ADH1A: variants seen among roughly 807,000 people sequenced by gnomAD.
ADH1A encodes the protein alcohol dehydrogenase 1A (class I), alpha polypeptide.
Under a neutral mutation model 35.2 loss-of-function variants are expected in ADH1A, and 29 were observed. That is an observed-to-expected ratio of 0.82 (90% CI 0.61 to 1.12). The LOEUF (loss-of-function observed/expected upper bound fraction) is 1.12, where lower values mean the gene tolerates loss of function less well. ADH1A is among the 50% of genes most tolerant of loss of function. The pLI, the probability that ADH1A is intolerant of heterozygous loss-of-function variation, is 0.00. For missense variants in ADH1A, 469 were observed against 464.7 expected (o/e 1.01, Z -0.09); for synonymous variants, 147 against 164.8 (o/e 0.89, Z 0.83).
intron 6 of ADH1A, 34 bp downstream of exon 6, chr4:99,282,312 A>G: frequency 6.2e-7 from 1 of 1,614,238 alleles, no homozygotes; most frequent in Non-Finnish European, 8.5e-7. Context: ...CAAGTTGTAG[A>G]GGCAGAAATC....
chr4:99,290,633 C>A (rs866926394), intron 1 of ADH1A, among the ~76,000 whole-genome samples: 3 of 152,106 alleles, frequency 2.0e-5, no homozygotes, highest in African/African-American at 4.8e-5. Context: ...AATAAATTAT[C>A]GCTTTACCGC....
intron 1 of ADH1A, 42 bp from the exon 2 acceptor site, chr4:99,287,707 G>A (rs768248783): frequency 1.6e-5 from 25 of 1,601,760 alleles, no homozygotes; most frequent in Non-Finnish European, 1.8e-5. Flanking sequence ...GTTCTCCCAC[G>A]CTTGCAGTCA....
chr4:99,279,019 G>A (rs1185586369), intron 8 of ADH1A, among the ~76,000 whole-genome samples: 1 of 152,010 alleles, frequency 6.6e-6, no homozygotes, highest in East Asian at 1.9e-4. Flanking sequence ...TGTTGAGGAT[G>A]TCCTGAAAAT....
At chr4:99,286,610 TG>T in intron 3 of ADH1A, 1 of 528,098 alleles carries the variant, frequency 1.9e-6, no homozygotes, top group Non-Finnish European at 3.2e-6. Context: ...GGCTCCAACC[TG>T]GTGACTGGCA....
rs746089984 is a variant in ADH1A at position 99,284,776 on chromosome 4, G to C, written c.287C>G (p.Pro96Arg). 5 of 1,614,138 alleles carry C rather than the reference G, an allele frequency of 3.1e-6. No individual in the cohort carries two copies. In the Admixed American group the frequency reaches 8.3e-5, roughly 27 times the overall value. The change falls in exon 4 of 9, where the codon CCT (proline) becomes CGT (arginine). Residue 96 changes from proline to arginine, a missense_variant. Coordinates refer to ENST00000209668, the MANE Select transcript of ADH1A (RefSeq NM_000667.4). ...ACAAATTCTGCATTTTCCACACTGA[G>C]GAATAGCGAGTGGGATGACTTTATC... ...PGDKVIPLAIPQCGKCRICKN... is the reference protein window; with the variant it reads ...PGDKVIPLAIRQCGKCRICKN...
At chr4:99,284,343 T>G in intron 5 of ADH1A, 56 bp downstream of exon 5, 1 of 1,560,954 alleles carries the variant, frequency 6.4e-7, no homozygotes, top group Non-Finnish European at 8.8e-7. Flanking sequence ...ATTCCTTCCC[T>G]TTGGGTTCCT....
intron 6 of ADH1A, among the ~76,000 whole-genome samples, chr4:99,281,625 A>G (rs1473060858): frequency 6.6e-6 from 1 of 152,116 alleles, no homozygotes; most frequent in African/African-American, 2.4e-5. Flanking sequence ...GAAGACATTT[A>G]TTGGGAGCTT....
chr4:99,277,729 T>C (rs1732904022), intron 8 of ADH1A, among the ~76,000 whole-genome samples: 1 of 152,118 alleles, frequency 6.6e-6, no homozygotes, highest in African/African-American at 2.4e-5. Context: ...CCCAATAATG[T>C]CATTTCTTTT....
chr4:99,283,109 G>C (rs1182949113), intron 5 of ADH1A, among the ~76,000 whole-genome samples: 1 of 152,166 alleles, frequency 6.6e-6, no homozygotes, highest in African/African-American at 2.4e-5. Flanking sequence ...CCTCAGTAAT[G>C]AACTCCTTGG....
chr4:99,283,197 A>ATTAGTC (rs1733048981), intron 5 of ADH1A, among the ~76,000 whole-genome samples: 1 of 152,234 alleles, frequency 6.6e-6, no homozygotes, highest in Non-Finnish European at 1.5e-5. Flanking sequence ...GTAATGAAAC[A>ATTAGTC]TTAGTCTATA....
intron 3 of ADH1A, chr4:99,286,633 C>T (rs1733158472): frequency 3.0e-6 from 2 of 668,152 alleles, no homozygotes; most frequent in African/African-American, 1.8e-5. Context: ...CTAGCAGATG[C>T]TCAGTACATA....
chr4:99,284,832 C>T, intron 3 of ADH1A, 29 bp from the exon 4 acceptor site: 1 of 1,586,970 alleles, frequency 6.3e-7, no homozygotes, highest in Non-Finnish European at 8.7e-7. Context: ...AATTCTTTTA[C>T]AATTTCTATC....
At chr4:99,280,986 G>C (rs1203468198) in intron 6 of ADH1A, among the ~76,000 whole-genome samples, 1 of 152,112 alleles carries the variant, frequency 6.6e-6, no homozygotes, top group Non-Finnish European at 1.5e-5. Context: ...CTTTGATTTT[G>C]GATTCTGACC....
rs767300203 is a variant in ADH1A at position 99,280,185 on chromosome 4, A to G, written c.923T>C (p.Leu308Pro). Residue 308 changes from leucine to proline, a missense_variant, in exon 7 of 9, where the codon CTG becomes CCG. Physicochemically the swap from Leu to Pro is moderately conservative, Grantham distance 98. Coordinates refer to ENST00000209668, the MANE Select transcript of ADH1A (RefSeq NM_000667.4). ...DSQNLSMNPM[L>P]LLTGRTWKGA... ...CTTCCAGGTACGTCCAGTCAGTAGCAGCATAGGGTTCATTGAGAGGTTTTG... is the reference window on the plus strand; with the variant it reads ...CTTCCAGGTACGTCCAGTCAGTAGCGGCATAGGGTTCATTGAGAGGTTTTG... 6 of 1,613,928 alleles carry G rather than the reference A, an allele frequency of 3.7e-6. No homozygotes were observed. The highest frequency in any genetic ancestry group is 1.7e-5 in the Admixed American group (1 of 60,002).
Position 99,276,603 on chromosome 4 carries a change from A to G in ADH1A, c.*21T>C, listed in dbSNP as rs571811478. 3.1e-6 allele frequency: 5 copies of G among 1,607,574 alleles called. No individual in the cohort carries two copies. Among genetic ancestry groups the G allele is most frequent in the Admixed American group, 1.7e-5 (1 of 59,942 alleles). ...GTAGAGGAGGCTGAAGACTGCCACA[A>G]GGGAAAACATCTGTATTGTCTCAAA... On this transcript the variant is annotated 3_prime_UTR_variant, in exon 9 of 9. Coordinates refer to ENST00000209668, the MANE Select transcript of ADH1A (RefSeq NM_000667.4).
chr4:99,285,567 G>A (rs28364306), intron 3 of ADH1A, among the ~76,000 whole-genome samples: 7 of 152,008 alleles, frequency 4.6e-5, no homozygotes, highest in Non-Finnish European at 5.9e-5. Context: ...GTTACTATTA[G>A]TATTATTTAG....
rs556852377 is a variant in ADH1A at position 99,285,876 on chromosome 4, G to T, written c.259+974C>A. The stretch of plus-strand genomic sequence containing the variant: ...TCTCTACTAAAAACAGAAAAAATTA[G>T]CTGGGTGTGGTGGCGGGCACCTGTG... On this transcript the variant is annotated intron_variant, in intron 3 of 8. Transcript: ENST00000209668. Among the ~76,000 whole-genome samples the T allele has an allele frequency of 2.0e-5, 3 of 152,034 alleles. No homozygotes were observed. In the South Asian group the frequency reaches 6.2e-4, roughly 32 times the overall value.
chr4:99,290,900 T>C lies in ADH1A; in HGVS notation c.15A>G (p.Gly5=). ...CAGTAATATATTTTTTGCTTACTTT[T>C]CCTGCTGTGCTCATGTTGATTCTGT... is the stretch of plus-strand genomic sequence containing the variant. MSTA[G]KVIKCKAAVL... is the part of the protein sequence containing the mutation. The change falls in exon 1 of 9, where the codon GGA becomes GGG. Residue 5 remains glycine (G), a synonymous_variant. Transcript: ENST00000209668. 1 of 1,613,996 alleles carries C rather than the reference T, an allele frequency of 6.2e-7. No homozygotes were observed. The highest frequency in any genetic ancestry group is 8.5e-7 in the Non-Finnish European group (1 of 1,179,854).
At chr4:99,284,692 G>T (rs373148517) in intron 4 of ADH1A, 24 bp downstream of exon 4, 1 of 1,612,220 alleles carries the variant, frequency 6.2e-7, no homozygotes. Context: ...CAATGTCTGC[G>T]CAGGGAGAGC....
Sources: allele counts gnomAD v4.1 joint callset (sites outside exome capture counted in the v4.1 genomes callset), GRCh38; gene constraint gnomAD v4.1.1; transcripts MANE v1.5; gene names NCBI Gene and HGNC (gene_info 2026-07-23, HGNC 2026-07-21).